Variants in RCBTB1 observed in about 807,000 individuals in gnomAD.
The protein encoded by RCBTB1 is RCC1 and BTB domain containing protein 1, also known as RCC1 and BTB domain-containing protein 1.
RCBTB1 carries 46 observed loss-of-function variants against 62.4 expected under a neutral mutation model. The observed-to-expected ratio is 0.74, with a 90% CI of 0.58 to 0.94. The LOEUF (loss-of-function observed/expected upper bound fraction) is 0.94. RCBTB1 is among the 40% of genes least tolerant of loss of function. The pLI is 0.00. For synonymous variants in RCBTB1, 222 were observed against 245.8 expected (o/e 0.90, Z 0.91); for missense variants, 565 against 654.9 (o/e 0.86, Z 1.50).
chr13:49,538,782 T>C (rs1271606724), intron 12 of RCBTB1, among the ~76,000 whole-genome samples: 2 of 152,030 alleles, frequency 1.3e-5, no homozygotes, highest in African/African-American at 2.4e-5. Context: ...CATATATATA[T>C]ATGCCCTAGA....
At position 49,562,776 on chromosome 13, in the gene RCBTB1, C is replaced by CCTTTTTTT. The variant is rs1566249913; in HGVS notation, c.278-2693_278-2692insAAAAAAAG. The stretch of plus-strand genomic sequence containing the variant: ...TACAGGTGCGTGCCACCATCCCCGG[C>CCTTTTTTT]TTTTTTTTTTTTTTTTTTTTTTTTT... On this transcript the variant is annotated intron_variant, in intron 4 of 12. Transcript: ENST00000378302. Among the ~76,000 whole-genome samples, 2 of 61,344 alleles carry CCTTTTTTT rather than the reference C, an allele frequency of 3.3e-5. 1 individual carries two copies. The highest frequency in any genetic ancestry group is 1.0e-4 in the African/African-American group (2 of 19,672). The allele number at this position is 61,344 out of a possible 152,430, so 40.2% of individuals were successfully genotyped here.
At chr13:49,579,363 C>T (rs1963962417) in intron 2 of RCBTB1, among the ~76,000 whole-genome samples, 1 of 152,166 alleles carries the variant, frequency 6.6e-6, no homozygotes, top group South Asian at 2.1e-4. Context: ...GTGGCTCACA[C>T]CTGTAATCCC....
chr13:49,561,041 A>G (rs2038881), intron 4 of RCBTB1, among the ~76,000 whole-genome samples: 82,345 of 152,026 alleles, frequency 0.54, 24,374 homozygotes, highest in Non-Finnish European at 0.68. Context: ...GATGAAGACA[A>G]CTTTTCTTGT....
At chr13:49,557,571 G>A (rs1247272012) in intron 5 of RCBTB1, among the ~76,000 whole-genome samples, 2 of 151,988 alleles carry the variant, frequency 1.3e-5, no homozygotes, top group African/African-American at 4.8e-5. Context: ...ACAGAACACT[G>A]TCACACATCT....
At chr13:49,535,090 T>C (rs1959836586) in intron 12 of RCBTB1, among the ~76,000 whole-genome samples, 1 of 152,182 alleles carries the variant, frequency 6.6e-6, no homozygotes, top group Non-Finnish European at 1.5e-5. Context: ...ATAATGACTT[T>C]ATTTTTAAAG....
intron 4 of RCBTB1, among the ~76,000 whole-genome samples, chr13:49,561,909 C>T (rs7140107): frequency 0.24 from 36,610 of 149,706 alleles, 5,758 homozygotes; most frequent in African/African-American, 0.44. Context: ...CTGGCCAACA[C>T]AGTGAAACCC....
intron 2 of RCBTB1, among the ~76,000 whole-genome samples, chr13:49,569,640 C>A (rs564746901): frequency 2.9e-4 from 43 of 150,798 alleles, no homozygotes; most frequent in Non-Finnish European, 5.6e-4. Flanking sequence ...CACTTGAGCC[C>A]GGGAGGCAGA....
intron 8 of RCBTB1, among the ~76,000 whole-genome samples, chr13:49,550,082 C>T (rs1226371133): frequency 6.6e-6 from 1 of 152,082 alleles, no homozygotes; most frequent in Non-Finnish European, 1.5e-5. Context: ...CTCGACCTCC[C>T]AGGCTCAAGC....
chr13:49,548,207 T>C (rs370245798), intron 9 of RCBTB1, among the ~76,000 whole-genome samples: 4 of 151,808 alleles, frequency 2.6e-5, no homozygotes, highest in African/African-American at 9.7e-5. Context: ...CTGATCAACA[T>C]TGTGAAACTC....
At chr13:49,561,375 C>G (rs899341749) in intron 4 of RCBTB1, among the ~76,000 whole-genome samples, 7 of 152,160 alleles carry the variant, frequency 4.6e-5, no homozygotes, top group African/African-American at 1.7e-4. Flanking sequence ...AAGAGCCATT[C>G]CCTCCTACAG....
chr13:49,581,996 A>G (rs191670693), intron 1 of RCBTB1, among the ~76,000 whole-genome samples: 3 of 152,400 alleles, frequency 2.0e-5, no homozygotes, highest in African/African-American at 7.2e-5. Context: ...TGAAGGAAAA[A>G]TGAGAAATCG....
intron 4 of RCBTB1, among the ~76,000 whole-genome samples, chr13:49,564,860 C>T (rs1387219858): frequency 6.6e-6 from 1 of 151,580 alleles, no homozygotes; most frequent in Admixed American, 6.6e-5. Flanking sequence ...CACTGCACTC[C>T]AGCCTGGGCG....
At chr13:49,562,057 T>C (rs967269461) in intron 4 of RCBTB1, among the ~76,000 whole-genome samples, 2 of 151,396 alleles carry the variant, frequency 1.3e-5, no homozygotes, top group Non-Finnish European at 2.9e-5. Flanking sequence ...GGGCTGAGAT[T>C]GTGCCTTGCA....
rs562655637 is a variant in RCBTB1, at chr13:49,544,750, C to G, written c.1159G>C (p.Val387Leu). ...DGKYIHVHKAVLKIRCEHFRS... is the reference protein window; with the variant it reads ...DGKYIHVHKALLKIRCEHFRS... ...ATGCAAAAATACCTGATTTTCAAAA[C>G]AGCTTTATGGACATGAATATATTTT... Residue 387 changes from valine (V) to leucine (L), a missense_variant, in exon 10 of 13, where the codon GTT becomes CTT. Val to Leu is a conservative substitution (Grantham distance 32). Transcript: ENST00000378302. The G allele has an allele frequency of 6.2e-7, 1 of 1,610,238 alleles. No homozygotes were observed. The highest frequency in any genetic ancestry group is 1.3e-5 in the African/African-American group (1 of 74,858).
intron 4 of RCBTB1, 74 bp downstream of exon 4, chr13:49,566,544 C>T (rs1963023249): frequency 1.4e-6 from 2 of 1,386,914 alleles, no homozygotes; most frequent in African/African-American, 1.4e-5. Flanking sequence ...CTGGTATAGC[C>T]CTATCTCCCC....
intron 2 of RCBTB1, among the ~76,000 whole-genome samples, chr13:49,573,689 A>T (rs1963566788): frequency 6.6e-6 from 1 of 151,746 alleles, no homozygotes; most frequent in African/African-American, 2.4e-5. Context: ...ACCTCAAGTG[A>T]TCCACCTACC....
intron 5 of RCBTB1, among the ~76,000 whole-genome samples, chr13:49,559,599 T>C (rs1303299499): frequency 7.2e-6 from 1 of 138,816 alleles, no homozygotes; most frequent in African/African-American, 2.8e-5. Context: ...GAGCTTGCAG[T>C]GAGCAGAGAT....
chr13:49,544,853 G>C lies in RCBTB1; in HGVS notation c.1056C>G (p.Asp352Glu). The C allele has an allele frequency of 6.2e-7, 1 of 1,611,060 alleles. No homozygotes were observed. The highest frequency in any genetic ancestry group is 1.1e-5 in the South Asian group (1 of 90,984). ...TCAGTGACTCTGCAACTGTTAAAAA[G>C]TCTTCATGCTCTGAAGGCAACAAAC... The part of the protein sequence containing the change: ...SWRLLSVEHE[D>E]FLTVAESLKK... The change falls in exon 10 of 13, where the codon GAC (aspartate) becomes GAG (glutamate). Residue 352 changes from aspartate (D) to glutamate (E), a missense_variant. Asp to Glu is a conservative substitution (Grantham distance 45). Transcript: ENST00000378302.
At chr13:49,565,436 C>T (rs944386838) in intron 4 of RCBTB1, among the ~76,000 whole-genome samples, 1 of 151,962 alleles carries the variant, frequency 6.6e-6, no homozygotes, top group African/African-American at 2.4e-5. Flanking sequence ...CCGGCCGCCA[C>T]CCCGTCTGGG....
Sources: allele counts gnomAD v4.1 joint callset (sites outside exome capture counted in the v4.1 genomes callset), GRCh38; gene constraint gnomAD v4.1.1; transcripts MANE v1.5; gene names NCBI Gene and HGNC (gene_info 2026-07-23, HGNC 2026-07-21).